Variants in CPED1 observed in about 807,000 individuals in gnomAD.
CPED1 encodes cadherin like and PC-esterase domain containing 1.
A neutral mutation model predicts 128.2 loss-of-function variants in CPED1; 114 were observed. The ratio of observed to expected loss-of-function variants is 0.89; its 90% CI spans 0.76 to 1.04. The LOEUF is 1.04. Among genes scored for constraint, CPED1 ranks in the 50% least tolerant of loss-of-function variants. The pLI is 0.00. For missense variants in CPED1, 1,211 were observed against 1,207.1 expected (o/e 1.00, Z -0.05); for synonymous variants, 462 against 426.7 (o/e 1.08, Z -1.02).
chr7:121,185,630 T>A (rs779392483), intron 16 of CPED1, among the ~76,000 whole-genome samples: 10 of 152,228 alleles, frequency 6.6e-5, no homozygotes, highest in Non-Finnish European at 1.3e-4. Flanking sequence ...TCAACATGAC[T>A]GCTTTCTGCC....
chr7:121,128,246 T>C (rs1438921149), intron 10 of CPED1, 136 bp from the exon 11 acceptor site: 3 of 588,362 alleles, frequency 5.1e-6, no homozygotes, highest in Non-Finnish European at 9.3e-6. Flanking sequence ...GAAGTTGCTA[T>C]GTATTATTTA....
rs900451006 is a variant in CPED1 at position 121,296,675 on chromosome 7, T to C, written c.*1023T>C. 2.0e-5 allele frequency: 3 copies of C among 150,886 alleles called. No homozygotes were observed. Among genetic ancestry groups the C allele is most frequent in the Non-Finnish European group, 4.5e-5 (3 of 67,274 alleles). 9.3% of individuals were successfully genotyped at this position (150,886 alleles called of 1,614,324 possible). A position where few individuals can be genotyped will look rare whatever the true frequency, so the allele number is the denominator to read the frequency against. ...ATCCAAATTTAGATTAGACAAAAAA[T>C]TATTATTTTAATTAAACTGTGGCAT... On this transcript the variant is annotated 3_prime_UTR_variant, in exon 23 of 23. Transcript: ENST00000310396.
At chr7:121,261,650 A>C (rs759721616) in intron 18 of CPED1, 1 of 1,611,030 alleles carries the variant, frequency 6.2e-7, no homozygotes, top group African/African-American at 1.3e-5. Context: ...CGATGTCCAG[A>C]GAGTTCCTAG....
At chr7:121,106,539 G>A (rs945732997) in intron 7 of CPED1, among the ~76,000 whole-genome samples, 7 of 152,026 alleles carry the variant, frequency 4.6e-5, no homozygotes, top group African/African-American at 1.4e-4. Context: ...AATCAGGTGA[G>A]GTAAGTTCAT....
intron 4 of CPED1, chr7:121,051,398 T>G (rs1046014176): frequency 1.9e-5 from 9 of 461,554 alleles, no homozygotes; most frequent in Middle Eastern, 7.4e-4. Flanking sequence ...TAAAATCATT[T>G]GCTGGTTGTT....
intron 3 of CPED1, among the ~76,000 whole-genome samples, chr7:121,036,599 A>C (rs1792900129): frequency 6.6e-6 from 1 of 151,476 alleles, no homozygotes; most frequent in Non-Finnish European, 1.5e-5. Flanking sequence ...GGCTATAAAC[A>C]TGCTTGTGTA....
At chr7:121,207,790 A>G (rs572898954) in intron 16 of CPED1, among the ~76,000 whole-genome samples, 2 of 152,128 alleles carry the variant, frequency 1.3e-5, no homozygotes, top group African/African-American at 4.8e-5. Context: ...CAGCAAAGAG[A>G]ACACAAATTC....
intron 5 of CPED1, among the ~76,000 whole-genome samples, chr7:121,078,505 A>G (rs1794194688): frequency 8.1e-5 from 1 of 12,340 alleles, no homozygotes; most frequent in African/African-American, 1.1e-4. Context: ...AAAGAAAAAA[A>G]AAAAAAAAAA....
intron 16 of CPED1, among the ~76,000 whole-genome samples, chr7:121,161,735 G>C (rs1230975655): frequency 6.6e-6 from 1 of 152,102 alleles, no homozygotes; most frequent in Non-Finnish European, 1.5e-5. Flanking sequence ...ATCAAAATGA[G>C]AATAAAGTTT....
intron 2 of CPED1, among the ~76,000 whole-genome samples, chr7:121,002,115 G>A (rs745607451): frequency 9.9e-5 from 15 of 152,198 alleles, no homozygotes; most frequent in Admixed American, 2.6e-4. Context: ...AATGCCACTA[G>A]GAGTCCAAAA....
intron 5 of CPED1, among the ~76,000 whole-genome samples, chr7:121,075,145 AT>A (rs1356799355): frequency 6.6e-6 from 1 of 152,172 alleles, no homozygotes; most frequent in Non-Finnish European, 1.5e-5. Context: ...AGGTTACAGC[AT>A]GGCATTAAAC....
chr7:121,272,290 A>G (rs1792248430), intron 22 of CPED1, among the ~76,000 whole-genome samples: 1 of 152,156 alleles, frequency 6.6e-6, no homozygotes, highest in Non-Finnish European at 1.5e-5. Flanking sequence ...TGCGTTGGTC[A>G]GAGTAGAGAC....
At chr7:121,082,542 A>G (rs1045035013) in intron 5 of CPED1, among the ~76,000 whole-genome samples, 1 of 152,238 alleles carries the variant, frequency 6.6e-6, no homozygotes. Flanking sequence ...TTTTATAGAT[A>G]GATTACCCTA....
intron 16 of CPED1, among the ~76,000 whole-genome samples, chr7:121,151,387 A>G (rs1584550493): frequency 6.6e-6 from 1 of 152,220 alleles, no homozygotes; most frequent in South Asian, 2.1e-4. Flanking sequence ...TAAAATATAC[A>G]TGATTATAAT....
chr7:121,065,423 A>C (rs1244889259), intron 5 of CPED1, among the ~76,000 whole-genome samples: 5 of 152,144 alleles, frequency 3.3e-5, no homozygotes, highest in African/African-American at 4.8e-5. Context: ...AGCAAATAAA[A>C]TAATTATTTT....
intron 16 of CPED1, among the ~76,000 whole-genome samples, chr7:121,196,798 GTTTCTT>G (rs1238415646): frequency 6.6e-6 from 1 of 151,514 alleles, no homozygotes; most frequent in East Asian, 1.9e-4. Context: ...TCACACTAAA[GTTTCTT>G]TTTTTTTTTC....
At chr7:121,107,445 G>T (rs1795005237) in intron 7 of CPED1, among the ~76,000 whole-genome samples, 1 of 152,054 alleles carries the variant, frequency 6.6e-6, no homozygotes, top group African/African-American at 2.4e-5. Context: ...CTTTATTTAT[G>T]TAGGAAACAA....
intron 16 of CPED1, among the ~76,000 whole-genome samples, chr7:121,180,212 A>T (rs545247565): frequency 6.6e-6 from 1 of 151,958 alleles, no homozygotes; most frequent in Non-Finnish European, 1.5e-5. Flanking sequence ...TCTTAAAGTG[A>T]CTCATTATAT....
intron 17 of CPED1, among the ~76,000 whole-genome samples, chr7:121,241,644 G>T (rs1798399917): frequency 6.6e-6 from 1 of 151,976 alleles, no homozygotes; most frequent in African/African-American, 2.4e-5. Flanking sequence ...CTCCTTCCAG[G>T]TCTTCAAATC....
Sources: gnomAD v4.1 joint callset for allele counts (sites outside exome capture counted in the v4.1 genomes callset) on GRCh38, gnomAD v4.1.1 for gene constraint, MANE v1.5 for transcripts, NCBI Gene and HGNC (gene_info 2026-07-23, HGNC 2026-07-21) for gene names.